The following MICAL3 variants were observed in gnomAD, a reference collection of about 807,000 sequenced individuals.
The protein encoded by MICAL3 is microtubule associated monooxygenase, calponin and LIM domain containing 3, also known as [F-actin]-monooxygenase MICAL3.
MICAL3 carries 62 observed loss-of-function variants against 207.4 expected under a neutral mutation model. The ratio of observed to expected loss-of-function variants is 0.30; its 90% CI spans 0.24 to 0.37. MICAL3 has a LOEUF of 0.37. MICAL3 is among the 10% of genes least tolerant of loss of function. The pLI, the probability that MICAL3 is intolerant of heterozygous loss-of-function variation, is 1.00. For missense variants in MICAL3, 2,368 were observed against 2,635.6 expected, an observed-to-expected ratio of 0.90 and a Z score of 2.22; for synonymous variants, 1,077 against 1,069.3, an observed-to-expected ratio of 1.01 and a Z score of -0.14.
At chr22:17,986,907 T>C (rs1921076181) in intron 1 of MICAL3, among the ~76,000 whole-genome samples, 1 of 152,188 alleles carries the variant, frequency 6.6e-6, no homozygotes, top group African/African-American at 2.4e-5. Flanking sequence ...AATTCCATTT[T>C]ATTTTCTAGA....
At chr22:17,932,884 A>C (rs557734698) in intron 1 of MICAL3, among the ~76,000 whole-genome samples, 2 of 152,368 alleles carry the variant, frequency 1.3e-5, no homozygotes, top group East Asian at 3.9e-4. Context: ...AGGCCATTAC[A>C]TAATGGTAAA....
intron 1 of MICAL3, among the ~76,000 whole-genome samples, chr22:17,951,292 T>A (rs1934338831): frequency 6.6e-6 from 1 of 152,088 alleles, no homozygotes; most frequent in South Asian, 2.1e-4. Context: ...GGTCCGTCAT[T>A]CAGTGAGCCA....
At position 17,841,442 on chromosome 22, in the gene MICAL3, T is replaced by C. The variant is rs1396239133; in HGVS notation, c.2801+380A>G. Reference sequence around the variant, plus strand: ...AGATGCCTGGGGGACGGACTAGGCCTCCCTCAAGACGGCCCGGTGCACTGG... The same window carrying C: ...AGATGCCTGGGGGACGGACTAGGCCCCCCTCAAGACGGCCCGGTGCACTGG... On this transcript the variant is annotated intron_variant, in intron 20 of 31. Coordinates refer to ENST00000441493, the MANE Select transcript of MICAL3 (RefSeq NM_015241.3). This position sits in a 1 kb window ranked among gnomAD's most constrained non-coding sequence, Gnocchi z 4.2. The C allele has an allele frequency of 4.9e-6, 2 of 410,118 alleles. No individual in the cohort carries two copies. The highest frequency in any genetic ancestry group is 2.0e-5 in the African/African-American group (1 of 51,022). The allele number at this position is 410,118 out of a possible 1,614,324, so 25.4% of individuals were successfully genotyped here. A position where few individuals can be genotyped will look rare whatever the true frequency, so the allele number is the denominator to read the frequency against.
At chr22:17,971,000 G>A (rs560176808) in intron 1 of MICAL3, among the ~76,000 whole-genome samples, 2 of 151,998 alleles carry the variant, frequency 1.3e-5, no homozygotes, top group East Asian at 3.9e-4. Flanking sequence ...TGGGAAACAC[G>A]GCAAAACCCC....
intron 1 of MICAL3, among the ~76,000 whole-genome samples, chr22:18,000,003 G>A (rs1270825277): frequency 6.6e-6 from 1 of 152,228 alleles, no homozygotes; most frequent in African/African-American, 2.4e-5. Flanking sequence ...TGTGCTCACG[G>A]GAGAAGGTAA....
At chr22:17,973,942 A>C (rs1305984940) in intron 1 of MICAL3, among the ~76,000 whole-genome samples, 1 of 152,170 alleles carries the variant, frequency 6.6e-6, no homozygotes, top group Non-Finnish European at 1.5e-5. Context: ...AAAATGTTTA[A>C]GATACATAAA....
intron 1 of MICAL3, among the ~76,000 whole-genome samples, chr22:17,962,700 T>G (rs879683647): frequency 1.0e-4 from 10 of 97,776 alleles, no homozygotes; most frequent in South Asian, 2.9e-4. Flanking sequence ...ATAAGCAATT[T>G]CCAAGGACCC....
chr22:17,929,265 A>AT lies in MICAL3; in HGVS notation c.-74-22380dup, dbSNP rs71201889. On this transcript the variant is annotated intron_variant, in intron 1 of 31. Coordinates refer to ENST00000441493, the MANE Select transcript of MICAL3 (RefSeq NM_015241.3). The stretch of plus-strand genomic sequence containing the variant: ...AGATGTGCACCACCACGCCTGGCTA[A>AT]TTTTTTTTTTTTTTTTTTTTAGAGG... Among the ~76,000 whole-genome samples, 193 of 133,490 alleles carry AT rather than the reference A, an allele frequency of 1.4e-3. 4 individuals carry two copies. The highest frequency in any genetic ancestry group is 0.011 in the Admixed American group (143 of 13,272). 87.6% of individuals were successfully genotyped at this position (133,490 alleles called of 152,430 possible).
At chr22:17,860,871 G>A in intron 19 of MICAL3, 1 of 985,336 alleles carries the variant, frequency 1.0e-6, no homozygotes, top group Non-Finnish European at 1.2e-6. Flanking sequence ...AGGCTCCCGT[G>A]GTTCTCAGAA....
At chr22:17,941,586 T>TA (rs1430194886) in intron 1 of MICAL3, among the ~76,000 whole-genome samples, 1 of 152,234 alleles carries the variant, frequency 6.6e-6, no homozygotes, top group African/African-American at 2.4e-5. Flanking sequence ...TCATTGTTCA[T>TA]AAAATTCAGG....
intron 29 of MICAL3, among the ~76,000 whole-genome samples, chr22:17,803,215 AAAG>A (rs1334510080): frequency 2.0e-5 from 3 of 152,136 alleles, no homozygotes; most frequent in African/African-American, 7.2e-5. Flanking sequence ...TCTTCACTGA[AAAG>A]AAGTACAAAG....
chr22:17,966,165 T>C (rs1935131205), intron 1 of MICAL3, among the ~76,000 whole-genome samples: 1 of 152,138 alleles, frequency 6.6e-6, no homozygotes, highest in South Asian at 2.1e-4. Flanking sequence ...ACACGTTTCC[T>C]TATCATCCAC....
chr22:17,976,237 G>C (rs1270534682), intron 1 of MICAL3, among the ~76,000 whole-genome samples: 2 of 152,120 alleles, frequency 1.3e-5, no homozygotes, highest in African/African-American at 4.8e-5. Flanking sequence ...CTGGTAACTT[G>C]TCCACATAAC....
chr22:17,817,260 C>CTCCCGCACCCT, intron 26 of MICAL3, 51 bp downstream of exon 26: 1 of 1,517,336 alleles, frequency 6.6e-7, no homozygotes, highest in Non-Finnish European at 8.8e-7. Context: ...ACCCCAGCCC[C>CTCCCGCACCCT]TCCCGCACCC....
At position 17,808,853 on chromosome 22, in the gene MICAL3, C is replaced by T; in HGVS notation, c.5641G>A (p.Gly1881Ser). ...RGVAVEKALRGEAGMGKKDDP... is the reference protein window; with the variant it reads ...RGVAVEKALRSEAGMGKKDDP... ...GGGAGCCCGGCAGTACCTGCTTCGC[C>T]CCGGAGCGCCTTCTCCACAGCCACG... The change falls in exon 29 of 32, where the codon GGC becomes AGC. Residue 1881 changes from glycine to serine, a missense_variant. Coordinates refer to ENST00000441493, the MANE Select transcript of MICAL3 (RefSeq NM_015241.3). 2 of 1,552,798 alleles carry T rather than the reference C, an allele frequency of 1.3e-6. No homozygotes were observed. Among genetic ancestry groups the T allele is most frequent in the Non-Finnish European group, 8.7e-7 (1 of 1,147,924 alleles).
intron 1 of MICAL3, among the ~76,000 whole-genome samples, chr22:17,928,552 C>T (rs1161398978): frequency 1.3e-5 from 2 of 152,170 alleles, no homozygotes; most frequent in Non-Finnish European, 2.9e-5. Flanking sequence ...GATAAGACTA[C>T]TGTGATTCAC....
At chr22:18,017,046 A>G (rs1208041736) in intron 1 of MICAL3, among the ~76,000 whole-genome samples, 1 of 152,212 alleles carries the variant, frequency 6.6e-6, no homozygotes, top group Non-Finnish European at 1.5e-5. Flanking sequence ...CAGAAATTGT[A>G]ACTAATTTAC....
intron 16 of MICAL3, among the ~76,000 whole-genome samples, chr22:17,878,551 G>A (rs1195459989): frequency 1.3e-5 from 2 of 152,158 alleles, no homozygotes; most frequent in Non-Finnish European, 2.9e-5. Flanking sequence ...GGCCATAACT[G>A]CATTTCTCAG....
chr22:17,982,679 T>TCATAACATAACATAACATAACATAA (rs11268253), intron 1 of MICAL3, among the ~76,000 whole-genome samples: 2,321 of 142,390 alleles, frequency 0.016, 51 homozygotes, highest in African/African-American at 0.045. Context: ...TCAAAAAAAT[T>TCATAACATAACATAACATAACATAA]CATAACATAA....
Sources: gnomAD v4.1 joint callset for allele counts (sites outside exome capture counted in the v4.1 genomes callset) on GRCh38, gnomAD v4.1.1 for gene constraint, Gnocchi (gnomAD v3.1) non-coding constraint, MANE v1.5 for transcripts, NCBI Gene and HGNC (gene_info 2026-07-23, HGNC 2026-07-21) for gene names.